The following DNA2 variants were observed in gnomAD, a reference collection of about 807,000 sequenced individuals.
DNA2 encodes the protein DNA replication helicase/nuclease 2, also known as DNA replication ATP-dependent helicase/nuclease DNA2.
Under a neutral mutation model 119.1 loss-of-function variants are expected in DNA2, and 101 were observed. The observed-to-expected ratio is 0.85, with a 90% CI of 0.72 to 1.00. DNA2 has a LOEUF of 1.00. Ranked by LOEUF, DNA2 falls within the 50% of genes least tolerant of loss-of-function variation. The probability of loss-of-function intolerance (pLI) is 0.00; values close to 1 mark genes in which losing one functional copy is unlikely to be tolerated. For synonymous variants in DNA2, 366 were observed against 424.4 expected (o/e 0.86, Z 1.69); for missense variants, 1,121 against 1,255.5 (o/e 0.89, Z 1.62).
At chr10:68,433,256 A>G (rs866990567) in intron 10 of DNA2, among the ~76,000 whole-genome samples, 9 of 151,944 alleles carry the variant, frequency 5.9e-5, no homozygotes, top group Admixed American at 3.9e-4. Flanking sequence ...CCTCTCCCCA[A>G]CCCACACACC....
At position 68,466,577 on chromosome 10, in the gene DNA2, G is replaced by C. The variant is rs2052329177; in HGVS notation, c.442-765C>G. ...CTTGATTAACTCTTGTATTAGCCTA[G>C]ACCTTTTTTTTTTTTTTTTGAGACA... On this transcript the variant is annotated intron_variant, in intron 3 of 20. Coordinates refer to ENST00000358410, the MANE Select transcript of DNA2 (RefSeq NM_001080449.3). 1.4e-5 allele frequency among the ~76,000 whole-genome samples: 2 copies of C among 140,560 alleles called. 1 individual carries two copies. Among genetic ancestry groups the C allele is most frequent in the South Asian group, 4.7e-4 (2 of 4,296 alleles). The allele number at this position is 140,560 out of a possible 152,430, so 92.2% of individuals were successfully genotyped here.
chr10:68,437,228 T>G lies in DNA2; in HGVS notation c.1429A>C (p.Ser477Arg). 6.2e-7 allele frequency: 1 copy of G among 1,605,152 alleles called. No individual in the cohort carries two copies. The highest frequency in any genetic ancestry group is 8.5e-7 in the Non-Finnish European group (1 of 1,173,006). Residue 477 changes from serine to arginine, a missense_variant, in exon 10 of 21, where the codon AGT (serine) becomes CGT (arginine). Physicochemically the swap from Ser to Arg is moderately radical, Grantham distance 110. Coordinates refer to ENST00000358410, the MANE Select transcript of DNA2 (RefSeq NM_001080449.3). ...MPASEMEKSG[S>R]CIGNLIRMEH... ...ATTCTAATCAGGTTTCCAATGCAAC[T>G]GCCACTCTTCTCCCTATGAAAAGAC...
chr10:68,445,877 A>G (rs1237605504), intron 7 of DNA2, among the ~76,000 whole-genome samples: 1 of 152,222 alleles, frequency 6.6e-6, no homozygotes, highest in East Asian at 1.9e-4. Flanking sequence ...CTGTAATCCC[A>G]GCACTTTCAG....
chr10:68,462,331 A>T (rs2052270543), intron 4 of DNA2, among the ~76,000 whole-genome samples: 1 of 152,224 alleles, frequency 6.6e-6, no homozygotes, highest in African/African-American at 2.4e-5. Flanking sequence ...AGGTCATGCC[A>T]TTGCAATCCA....
intron 20 of DNA2, 85 bp downstream of exon 20, chr10:68,416,624 A>G: frequency 1.4e-6 from 2 of 1,381,370 alleles, no homozygotes; most frequent in Non-Finnish European, 2.0e-6. Context: ...CTTAAGCAAC[A>G]TAGTGAGAGC....
At chr10:68,423,150 A>G (rs1027257961) in intron 14 of DNA2, among the ~76,000 whole-genome samples, 1 of 151,892 alleles carries the variant, frequency 6.6e-6, no homozygotes, top group Non-Finnish European at 1.5e-5. Context: ...GGAACATTCA[A>G]GAGGTAATAA....
chr10:68,462,157 G>A (rs926360577), intron 4 of DNA2, among the ~76,000 whole-genome samples: 1 of 152,130 alleles, frequency 6.6e-6, no homozygotes, highest in Admixed American at 6.6e-5. Context: ...GATCACTTGA[G>A]GTCAGGAGTT....
At chr10:68,451,503 A>G (rs1317498175) in intron 5 of DNA2, among the ~76,000 whole-genome samples, 4 of 152,124 alleles carry the variant, frequency 2.6e-5, no homozygotes. Flanking sequence ...GATAAGAGTT[A>G]CCTCTTATTA....
At chr10:68,421,881 C>T (rs1285309804) in intron 17 of DNA2, among the ~76,000 whole-genome samples, 1 of 152,010 alleles carries the variant, frequency 6.6e-6, no homozygotes, top group African/African-American at 2.4e-5. Flanking sequence ...GCAGTGTGAT[C>T]TCAGCTCACT....
chr10:68,469,882 A>T (rs1217656455), intron 2 of DNA2, 99 bp downstream of exon 2: 1 of 1,109,824 alleles, frequency 9.0e-7, no homozygotes, highest in Admixed American at 3.0e-5. Context: ...CTCCCTTTTA[A>T]ACAATTAAAT....
At position 68,468,269 on chromosome 10, in the gene DNA2, A is replaced by G. The variant is rs140077857; in HGVS notation, c.295T>C (p.Leu99=). 1.2e-3 allele frequency: 1,928 copies of G among 1,609,006 alleles called. 17 individuals are homozygous for G. The African/African-American group carries it at 0.022, about 18-fold the overall frequency. The change falls in exon 3 of 21, where the codon TTG becomes CTG. Residue 99 remains leucine (L), a synonymous_variant. Transcript: ENST00000358410. ...GTGTCAGATGTGCAGTCTCCCTCCA[A>G]ATGAATGATATCTCCTGGCTCTACT... The part of the protein sequence containing the change: ...VPVEPGDIIH[L]EGDCTSDTWI...
rs567460515 is a variant in DNA2, at chr10:68,471,692, C to G, written c.74+99G>C. ...GGGAGCTGCACCGGGTCCCTGGGCC[C>G]CGGGCCCGGTCAGTCTGAGGCGGTG... On this transcript the variant is annotated intron_variant, in intron 1 of 20. Transcript: ENST00000358410. 27 of 1,408,102 alleles carry G rather than the reference C, an allele frequency of 1.9e-5. No homozygotes were observed. In the South Asian group the frequency reaches 3.8e-4, roughly 20 times the overall value. The allele number at this position is 1,408,102 out of a possible 1,614,324, so 87.2% of individuals were successfully genotyped here.
intron 9 of DNA2, among the ~76,000 whole-genome samples, chr10:68,439,714 G>A (rs1045357420): frequency 1.1e-4 from 17 of 151,910 alleles, no homozygotes; most frequent in South Asian, 2.1e-4. Context: ...GCCCATGCCT[G>A]TAATCCCAGT....
At chr10:68,464,829 CAAAAAAAAA>C (rs71009067) in intron 4 of DNA2, among the ~76,000 whole-genome samples, 4 of 40,666 alleles carry the variant, frequency 9.8e-5, no homozygotes, top group African/African-American at 1.9e-4. Flanking sequence ...AACTCCACCT[CAAAAAAAAA>C]AAAAAAAAAA....
intron 10 of DNA2, among the ~76,000 whole-genome samples, chr10:68,434,639 G>C (rs2133383121): frequency 6.8e-6 from 1 of 146,724 alleles, no homozygotes; most frequent in African/African-American, 2.7e-5. Context: ...GCTGGAGTGA[G>C]ACCATGTGTC....
chr10:68,415,500 T>A (rs1270479265), intron 20 of DNA2, among the ~76,000 whole-genome samples: 1 of 152,040 alleles, frequency 6.6e-6, no homozygotes, highest in Non-Finnish European at 1.5e-5. Context: ...GGTCTCGAAC[T>A]CCCAACCTCA....
chr10:68,468,452 ATC>A, intron 2 of DNA2, 146 bp from the exon 3 acceptor site: 2 of 538,648 alleles, frequency 3.7e-6, no homozygotes, highest in East Asian at 3.3e-5. Context: ...AAAAAAAAAA[ATC>A]AAATAGCAGG....
In DNA2 at chr10:68,450,081, G is replaced by T. The variant is rs765095113; in HGVS notation, c.886C>A (p.Pro296Thr). ...TCTTTGCCAGTTTTAAGTTCCAGCG[G>T]CATTATCTTGTATTTTGTTTTATAC... ...RGYKTKYKIM[P>T]LELKTGKESN... The change falls in exon 6 of 21, where the codon CCG becomes ACG. Residue 296 changes from proline (P) to threonine (T), a missense_variant. Physicochemically the swap from Pro to Thr is conservative, Grantham distance 38. Transcript: ENST00000358410. The T allele has an allele frequency of 6.2e-7, 1 of 1,602,022 alleles. No individual in the cohort carries two copies. The highest frequency in any genetic ancestry group is 2.2e-5 in the East Asian group (1 of 44,702).
chr10:68,453,180 C>T (rs1343216570), intron 5 of DNA2, among the ~76,000 whole-genome samples: 4 of 151,988 alleles, frequency 2.6e-5, no homozygotes, highest in African/African-American at 9.7e-5. Flanking sequence ...GGATTACAGG[C>T]GTGAGCCACC....
Sources: allele counts gnomAD v4.1 joint callset (sites outside exome capture counted in the v4.1 genomes callset), GRCh38; gene constraint gnomAD v4.1.1; transcripts MANE v1.5; gene names NCBI Gene and HGNC (gene_info 2026-07-23, HGNC 2026-07-21).